The following APC2 variants were observed in gnomAD, a reference collection of about 807,000 sequenced individuals.
The protein encoded by APC2 is APC regulator of Wnt signaling pathway 2, also known as adenomatous polyposis coli protein 2.
A neutral mutation model predicts 72.5 loss-of-function variants in APC2; 41 were observed. That is an observed-to-expected ratio of 0.57 (90% CI 0.44 to 0.73). The LOEUF (loss-of-function observed/expected upper bound fraction) is 0.73, where lower values mean the gene tolerates loss of function less well. Among genes scored for constraint, APC2 ranks in the 30% least tolerant of loss-of-function variants. The pLI is 0.00. For missense variants in APC2, 3,729 were observed against 3,403.4 expected (o/e 1.10, Z -2.38); for synonymous variants, 1,898 against 1,612.0 (o/e 1.18, Z -4.25).
chr19:1,456,200 G>A (rs1329683785), intron 7 of APC2, 47 bp downstream of exon 7: 12 of 1,553,084 alleles, frequency 7.7e-6, no homozygotes, highest in Non-Finnish European at 7.8e-6. Flanking sequence ...GTCGGCCCAG[G>A]CAGAACGGGG....
In APC2 at chr19:1,468,034, C is replaced by T. The variant is rs2084054289; in HGVS notation, c.4733C>T (p.Ser1578Phe). Residue 1578 changes from serine to phenylalanine, a missense_variant, in exon 15 of 15, where the codon TCC becomes TTC. By Grantham distance (155) the Ser-to-Phe change is radical (BLOSUM62 -2). Coordinates refer to ENST00000590469, the MANE Select transcript of APC2 (RefSeq NM_005883.3). ...GCTGACGAGACCCCGCCCTGCTACT[C>T]CCTGAGCTCCTCCGCCAGCTCCCTC... Reference protein sequence around the residue: ...LIADETPPCYSLSSSASSLSE... With the variant: ...LIADETPPCYFLSSSASSLSE... 3 of 1,582,530 alleles carry T rather than the reference C, an allele frequency of 1.9e-6. No homozygotes were observed. The highest frequency in any genetic ancestry group is 1.7e-4 in the Middle Eastern group (1 of 5,976).
Position 1,453,477 on chromosome 19 carries a change from G to A in APC2, c.279G>A (p.Pro93=), listed in dbSNP as rs758685877. The A allele has an allele frequency of 8.1e-6, 13 of 1,603,122 alleles. No individual in the cohort carries two copies. Among genetic ancestry groups the A allele is most frequent in the African/African-American group, 5.4e-5 (4 of 74,572 alleles). Reference sequence around the variant, plus strand: ...GCCTGTACAACCTCAAGTTCCAGCCGCCCACCCTGGGCCCGGAGCCTGCCG... The same window carrying A: ...GCCTGTACAACCTCAAGTTCCAGCCACCCACCCTGGGCCCGGAGCCTGCCG... ...ITSLYNLKFQ[P]PTLGPEPAAR... The change falls in exon 4 of 15, where the codon CCG becomes CCA. Residue 93 remains proline, a synonymous_variant. Transcript: ENST00000590469.
In APC2 at chr19:1,452,943, C is replaced by A; in HGVS notation, c.-18-41C>A. On this transcript the variant is annotated intron_variant, in intron 1 of 14. Coordinates refer to ENST00000590469, the MANE Select transcript of APC2 (RefSeq NM_005883.3). The surrounding 1 kb of genome is among the most constrained non-coding windows in gnomAD (Gnocchi z 5.1). ...TGTCCGGAAGGCATCACCGCGCCCT[C>A]CCCAGACCATCAGCTGAACCCTCTG... The A allele has an allele frequency of 6.3e-7, 1 of 1,597,572 alleles. No homozygotes were observed. Among genetic ancestry groups the A allele is most frequent in the Non-Finnish European group, 8.5e-7 (1 of 1,172,706 alleles).
rs1424660674 is a variant in APC2 at position 1,452,700 on chromosome 19, G to T, written c.-18-284G>T. ...GGAGAGGCCGACCCATCGTCTGTCG[G>T]TCGACTGGTCAGTTGGACGTTCAGC... On this transcript the variant is annotated intron_variant, in intron 1 of 14. Coordinates refer to ENST00000590469, the MANE Select transcript of APC2 (RefSeq NM_005883.3). This position sits in a 1 kb window ranked among gnomAD's most constrained non-coding sequence, Gnocchi z 5.1. The T allele has an allele frequency of 4.9e-6, 2 of 404,818 alleles. No homozygotes were observed. The highest frequency in any genetic ancestry group is 7.9e-5 in the Admixed American group (2 of 25,456). 25.1% of individuals were successfully genotyped at this position (404,818 alleles called of 1,614,324 possible).
rs1329122920 is a variant in APC2 at position 1,465,213 on chromosome 19, A to C, written c.1912A>C (p.Ser638Arg). 1 of 1,610,388 alleles carries C rather than the reference A, an allele frequency of 6.2e-7. No individual in the cohort carries two copies. Among genetic ancestry groups the C allele is most frequent in the Non-Finnish European group, 8.5e-7 (1 of 1,179,258 alleles). The part of the protein sequence containing the change: ...QTLLQHLTSH[S>R]LTIVSNACGT... ...GCTGCTGCAGCATCTGACTTCGCACAGCCTGACCATCGTGAGCAACGCGTG... is the reference window on the plus strand; with the variant it reads ...GCTGCTGCAGCATCTGACTTCGCACCGCCTGACCATCGTGAGCAACGCGTG... Residue 638 changes from serine to arginine, a missense_variant, in exon 15 of 15, where the codon AGC (serine) becomes CGC (arginine). Physicochemically the swap from Ser to Arg is moderately radical, Grantham distance 110 (BLOSUM62 -1). Transcript: ENST00000590469.
chr19:1,458,243 C>G, intron 10 of APC2, 183 bp downstream of exon 10: 1 of 625,480 alleles, frequency 1.6e-6, no homozygotes, highest in Non-Finnish European at 2.8e-6. Flanking sequence ...CCTGGGCCCT[C>G]TGTCCCCATG....
intron 4 of APC2, 42 bp downstream of exon 4, chr19:1,453,653 G>A (rs769672195): frequency 3.5e-5 from 54 of 1,560,170 alleles, no homozygotes; most frequent in Non-Finnish European, 4.7e-5. Context: ...GCTGGAGCAT[G>A]ACTCGGTCCC....
rs756583233 is a variant in APC2 at position 1,453,537 on chromosome 19, C to T, written c.339C>T (p.Ser113=). The T allele has an allele frequency of 9.9e-6, 16 of 1,611,750 alleles. No homozygotes were observed. The Admixed American group carries it at 1.0e-4, about 10-fold the overall frequency. The change falls in exon 4 of 15, where the codon TCC becomes TCT. Residue 113 remains serine, a synonymous_variant. Transcript: ENST00000590469. ...RTPEGSPVHG[S]GPSKDSFGEL... ...CCGAGGGCAGCCCAGTACACGGCTC[C>T]GGGCCCTCCAAGGACAGCTTTGGGG...
chr19:1,450,388 G>A, intron 1 of APC2, 50 bp downstream of exon 1: 1 of 981,650 alleles, frequency 1.0e-6, no homozygotes, highest in Non-Finnish European at 1.2e-6. Context: ...GCCTCGCGTC[G>A]AGGTTTCCAT....
chr19:1,452,846 A>G lies in APC2; in HGVS notation c.-18-138A>G, dbSNP rs188781348. On this transcript the variant is annotated intron_variant, in intron 1 of 14. Coordinates refer to ENST00000590469, the MANE Select transcript of APC2 (RefSeq NM_005883.3). This position sits in a 1 kb window ranked among gnomAD's most constrained non-coding sequence, Gnocchi z 5.1. ...ACGTGGGCCTGTACTTGTCCACACC[A>G]GTGACTCCTGCCTGAGACCCCCCCC... The G allele has an allele frequency of 2.4e-5, 26 of 1,081,880 alleles. No individual in the cohort carries two copies. The East Asian group carries it at 6.8e-4, about 28-fold the overall frequency. 67.0% of individuals were successfully genotyped at this position (1,081,880 alleles called of 1,614,324 possible).
At position 1,468,295 on chromosome 19, in the gene APC2, C is replaced by A; in HGVS notation, c.4994C>A (p.Ser1665Tyr). 3.2e-6 allele frequency: 5 copies of A among 1,541,182 alleles called. No individual in the cohort carries two copies. Among genetic ancestry groups the A allele is most frequent in the Non-Finnish European group, 4.4e-6 (5 of 1,144,472 alleles). ...TRLDERPAEG[S>Y]RERGEEAAGS... ...CTGGATGAGCGGCCCGCAGAGGGGT[C>A]CCGGGAACGCGGCGAGGAGGCAGCG... is the stretch of plus-strand genomic sequence containing the variant. The change falls in exon 15 of 15, where the codon TCC (serine) becomes TAC (tyrosine). Residue 1665 changes from serine to tyrosine, a missense_variant. Physicochemically the swap from Ser to Tyr is moderately radical, Grantham distance 144 (BLOSUM62 -2). Transcript: ENST00000590469.
rs375490852 is a variant in APC2 at position 1,468,063 on chromosome 19, G to A, written c.4762G>A (p.Glu1588Lys). 3.6e-5 allele frequency: 57 copies of A among 1,568,612 alleles called. No individual in the cohort carries two copies. The highest frequency in any genetic ancestry group is 4.5e-5 in the Non-Finnish European group (53 of 1,167,102). ...GAGCTCCTCCGCCAGCTCCCTCAGC[G>A]AGCCCGAGCCCTCGGAGCCGCCGGC... Reference protein sequence around the residue: ...SLSSSASSLSEPEPSEPPAVH... With the variant: ...SLSSSASSLSKPEPSEPPAVH... The change falls in exon 15 of 15, where the codon GAG (glutamate) becomes AAG (lysine). Residue 1588 changes from glutamate to lysine, a missense_variant. Transcript: ENST00000590469.
chr19:1,461,430 G>A (rs879853745), intron 13 of APC2: 14 of 503,412 alleles, frequency 2.8e-5, no homozygotes, highest in African/African-American at 7.8e-5. Flanking sequence ...ACAGCCAGGC[G>A]TGGCAGCGGG....
rs766412009 is a variant in APC2, at chr19:1,472,614, G to A, written c.*2401G>A. ...GCCTCCCACCCCCACCCCGAGTCCTGAGCTCACTTTCGCCTTCTCCATCCC... is the reference window on the plus strand; with the variant it reads ...GCCTCCCACCCCCACCCCGAGTCCTAAGCTCACTTTCGCCTTCTCCATCCC... On this transcript the variant is annotated 3_prime_UTR_variant, in exon 15 of 15. Coordinates refer to ENST00000590469, the MANE Select transcript of APC2 (RefSeq NM_005883.3). 2.5e-5 allele frequency: 3 copies of A among 120,616 alleles called. No homozygotes were observed. The highest frequency in any genetic ancestry group is 3.3e-5 in the African/African-American group (1 of 30,326). 7.5% of individuals were successfully genotyped at this position (120,616 alleles called of 1,614,324 possible). A position where few individuals can be genotyped will look rare whatever the true frequency, so the allele number is the denominator to read the frequency against.
chr19:1,453,602 A>C lies in APC2; in HGVS notation c.404A>C (p.Asp135Ala). 6.2e-7 allele frequency: 1 copy of C among 1,600,754 alleles called. No individual in the cohort carries two copies. The highest frequency in any genetic ancestry group is 1.1e-5 in the South Asian group (1 of 89,942). The stretch of plus-strand genomic sequence containing the variant: ...ACCATCCGGCTGCTGGAGGAACTGG[A>C]CCGGGAACGGTGAGTGGGCGTGGGA... ...RATIRLLEELDRERCFLLNEI... is the reference protein window; with the variant it reads ...RATIRLLEELARERCFLLNEI... Residue 135 changes from aspartate (D) to alanine (A), a missense_variant, in exon 4 of 15, where the codon GAC becomes GCC. Asp to Ala is a moderately radical substitution (Grantham distance 126). Transcript: ENST00000590469.
At chr19:1,458,336 C>T (rs533510114) in intron 10 of APC2, 19 of 509,202 alleles carry the variant, frequency 3.7e-5, no homozygotes, top group East Asian at 3.5e-4. Context: ...GAACAGGGAA[C>T]GGACCAGAAG....
chr19:1,466,189 G>C lies in APC2; in HGVS notation c.2888G>C (p.Arg963Pro), dbSNP rs760674378. ...RREDPRCGQP[R>P]PSRLDLDLPG... ...GAGGACCCCAGGTGTGGGCAGCCTC[G>C]GCCCAGCCGGCTTGACCTTGACCTG... The change falls in exon 15 of 15, where the codon CGG becomes CCG. Residue 963 changes from arginine to proline, a missense_variant. Arg to Pro is a moderately radical substitution (Grantham distance 103). Transcript: ENST00000590469. 1.3e-5 allele frequency: 20 copies of C among 1,557,794 alleles called. No homozygotes were observed. Among genetic ancestry groups the C allele is most frequent in the Non-Finnish European group, 1.6e-5 (19 of 1,162,730 alleles).
Position 1,456,845 on chromosome 19 carries a change from C to CCCCCCA in APC2, c.817-7_817-2dup, listed in dbSNP as rs1568168930. The CCCCCCA allele has an allele frequency of 1.3e-6, 2 of 1,591,800 alleles. No individual in the cohort carries two copies. The highest frequency in any genetic ancestry group is 1.7e-6 in the Non-Finnish European group (2 of 1,174,838). ...AGGGACCCCACCCTGACCCTGCCCT[C>CCCCCCA]CCCCCAGGTGGAGGTGGTCTTCTGG... is the stretch of plus-strand genomic sequence containing the variant. On this transcript the variant is annotated splice_polypyrimidine_tract_variant and splice_region_variant and intron_variant, in intron 8 of 14. Coordinates refer to ENST00000590469, the MANE Select transcript of APC2 (RefSeq NM_005883.3).
Position 1,466,361 on chromosome 19 carries a change from A to C in APC2, c.3060A>C (p.Gly1020=). The C allele has an allele frequency of 6.4e-7, 1 of 1,570,544 alleles. No homozygotes were observed. Among genetic ancestry groups the C allele is most frequent in the Non-Finnish European group, 8.6e-7 (1 of 1,161,356 alleles). Residue 1020 remains glycine (G), a synonymous_variant, in exon 15 of 15, where the codon GGA becomes GGC. Coordinates refer to ENST00000590469, the MANE Select transcript of APC2 (RefSeq NM_005883.3). ...GTGCAGAGCCCCTCGCGGGGCCTGG[A>C]ATCTCTCCAGGGGCCCGGAAGCAGG... ...RAGAEPLAGP[G]ISPGARKQAW... is the part of the protein sequence containing the mutation.
Sources: allele counts gnomAD v4.1 joint callset, GRCh38; gene constraint gnomAD v4.1.1; non-coding constraint Gnocchi (gnomAD v3.1); transcripts MANE v1.5; gene names NCBI Gene and HGNC (gene_info 2026-07-23, HGNC 2026-07-21).